The following SLIT3 variants were observed in gnomAD, a reference collection of about 807,000 sequenced individuals.
SLIT3 encodes the protein slit homolog 3 protein.
Under a neutral mutation model 184.0 loss-of-function variants are expected in SLIT3, and 68 were observed. That is an observed-to-expected ratio of 0.37 (90% CI 0.30 to 0.45). SLIT3 has a LOEUF of 0.45. Among genes scored for constraint, SLIT3 ranks in the 20% least tolerant of loss-of-function variants. The pLI is 1.00. For missense variants in SLIT3, 1,707 were observed against 2,026.0 expected, an observed-to-expected ratio of 0.84 and a Z score of 3.02; for synonymous variants, 831 against 828.6, an observed-to-expected ratio of 1.00 and a Z score of -0.05.
intron 4 of SLIT3, among the ~76,000 whole-genome samples, chr5:169,048,245 A>AT (rs1757692489): frequency 6.6e-6 from 1 of 152,196 alleles, no homozygotes; most frequent in South Asian, 2.1e-4. Context: ...CAAGCCTCAG[A>AT]TTTCCTCATC....
intron 4 of SLIT3, among the ~76,000 whole-genome samples, chr5:168,979,424 A>T (rs939199717): frequency 2.0e-5 from 3 of 152,178 alleles, no homozygotes; most frequent in African/African-American, 7.2e-5. Flanking sequence ...ATGGCATGCA[A>T]CAATCAGAGA....
At chr5:168,917,165 G>C (rs146395873) in intron 4 of SLIT3, among the ~76,000 whole-genome samples, 1 of 152,136 alleles carries the variant, frequency 6.6e-6, no homozygotes, top group African/African-American at 2.4e-5. Flanking sequence ...TAATCATCAG[G>C]TTTAGAATCT....
chr5:168,869,191 G>A (rs1759422287), intron 5 of SLIT3, among the ~76,000 whole-genome samples: 1 of 152,176 alleles, frequency 6.6e-6, no homozygotes. Flanking sequence ...GAAACTTGAA[G>A]TTGTTTGGAG....
intron 4 of SLIT3, among the ~76,000 whole-genome samples, chr5:169,151,934 G>C (rs1370158248): frequency 6.6e-6 from 1 of 152,212 alleles, no homozygotes; most frequent in Admixed American, 6.5e-5. Context: ...CCTATGAAAT[G>C]AGGATGATCA....
chr5:169,152,839 G>A (rs10475901), intron 4 of SLIT3, among the ~76,000 whole-genome samples: 25,164 of 151,998 alleles, frequency 0.17, 2,306 homozygotes, highest in Middle Eastern at 0.29. Context: ...CACCTACCCC[G>A]GTATGTCACA....
intron 23 of SLIT3, chr5:168,720,173 C>T (rs1180418563): frequency 1.3e-5 from 2 of 152,294 alleles, no homozygotes; most frequent in Non-Finnish European, 2.9e-5. Context: ...ACCTCGGCCT[C>T]CCAAAGTGCT....
intron 5 of SLIT3, among the ~76,000 whole-genome samples, chr5:168,881,517 C>A (rs574113128): frequency 6.6e-6 from 1 of 152,128 alleles, no homozygotes; most frequent in Admixed American, 6.5e-5. Flanking sequence ...ACTTTATATA[C>A]GCAAAATGTT....
chr5:168,885,470 C>T (rs1011368899), intron 4 of SLIT3, among the ~76,000 whole-genome samples: 5 of 152,184 alleles, frequency 3.3e-5, no homozygotes, highest in Non-Finnish European at 7.3e-5. Flanking sequence ...CATCAGCCTC[C>T]GGAGCAGGGG....
At chr5:168,857,695 G>C (rs1014492708) in intron 5 of SLIT3, among the ~76,000 whole-genome samples, 3 of 152,206 alleles carry the variant, frequency 2.0e-5, no homozygotes, top group Non-Finnish European at 4.4e-5. Context: ...CATTGAGAAT[G>C]TAAGTGTGAA....
chr5:168,777,204 G>C (rs1360679218), intron 12 of SLIT3, among the ~76,000 whole-genome samples: 1 of 152,064 alleles, frequency 6.6e-6, no homozygotes, highest in Non-Finnish European at 1.5e-5. Context: ...GGCAGCCATG[G>C]AGTAGCTGCC....
At chr5:169,260,151 C>T (rs1206914923) in intron 1 of SLIT3, among the ~76,000 whole-genome samples, 1 of 151,636 alleles carries the variant, frequency 6.6e-6, no homozygotes, top group East Asian at 1.9e-4. Context: ...AAATAAACAA[C>T]TTTAAAAAAA....
intron 23 of SLIT3, among the ~76,000 whole-genome samples, chr5:168,719,774 TTACTTTTCCTGAA>T (rs1762877294): frequency 6.6e-6 from 1 of 152,214 alleles, no homozygotes; most frequent in Non-Finnish European, 1.5e-5. Context: ...AAGGACATTT[TTACTTTTCCTGAA>T]TTGGCCCTTA....
intron 12 of SLIT3, among the ~76,000 whole-genome samples, chr5:168,785,134 C>T (rs1357294275): frequency 7.2e-6 from 1 of 139,772 alleles, no homozygotes; most frequent in South Asian, 2.3e-4. Context: ...TGTGCACATG[C>T]ATGCACACAC....
chr5:168,718,892 G>C (rs1413077197), intron 23 of SLIT3, among the ~76,000 whole-genome samples: 2 of 152,108 alleles, frequency 1.3e-5, no homozygotes, highest in Non-Finnish European at 2.9e-5. Context: ...GGTCATTTCT[G>C]AAAGTTTAAT....
At chr5:168,861,313 C>A (rs547341597) in intron 5 of SLIT3, among the ~76,000 whole-genome samples, 1 of 151,378 alleles carries the variant, frequency 6.6e-6, no homozygotes, top group Non-Finnish European at 1.5e-5. Context: ...GTGAATATGA[C>A]GTATTTCTTA....
intron 6 of SLIT3, among the ~76,000 whole-genome samples, chr5:168,832,211 A>G (rs1757903480): frequency 6.6e-6 from 1 of 152,234 alleles, no homozygotes; most frequent in South Asian, 2.1e-4. Flanking sequence ...AAATCAGGCA[A>G]TTGCCAACGT....
chr5:169,204,776 G>C (rs949481831), intron 3 of SLIT3, among the ~76,000 whole-genome samples: 2 of 152,178 alleles, frequency 1.3e-5, no homozygotes, highest in African/African-American at 4.8e-5. Context: ...CTCAGCAGAG[G>C]CCAGGGAGAG....
intron 3 of SLIT3, among the ~76,000 whole-genome samples, chr5:169,231,194 G>C (rs893466839): frequency 3.3e-5 from 5 of 152,126 alleles, no homozygotes; most frequent in African/African-American, 1.2e-4. Flanking sequence ...TCTGTCTCTT[G>C]AGTCTCTTTT....
intron 12 of SLIT3, among the ~76,000 whole-genome samples, chr5:168,784,731 G>T (rs536883720): frequency 6.6e-6 from 1 of 152,232 alleles, no homozygotes; most frequent in South Asian, 2.1e-4. Context: ...TTGCTCTTGT[G>T]CCTGCCACCC....
Sources: gnomAD v4.1 joint callset for allele counts (sites outside exome capture counted in the v4.1 genomes callset) on GRCh38, gnomAD v4.1.1 for gene constraint, MANE v1.5 for transcripts, NCBI Gene and HGNC (gene_info 2026-07-23, HGNC 2026-07-21) for gene names.